Variants in DLG1 observed in about 807,000 individuals in gnomAD.
DLG1 encodes disks large homolog 1.
In DLG1, 42 loss-of-function variants were observed where a neutral mutation model predicts 123.4. The ratio of observed to expected loss-of-function variants is 0.34; its 90% CI spans 0.27 to 0.44. The LOEUF is 0.44. Ranked by LOEUF, DLG1 falls within the 20% of genes least tolerant of loss-of-function variation. The pLI is 1.00. For synonymous variants in DLG1, 317 were observed against 356.2 expected (o/e 0.89, Z 1.24); for missense variants, 942 against 1,082.6 (o/e 0.87, Z 1.82).
chr3:197,160,087 A>G (rs1012368362), intron 5 of DLG1, among the ~76,000 whole-genome samples: 2 of 152,210 alleles, frequency 1.3e-5, no homozygotes, highest in African/African-American at 2.4e-5. Context: ...GTGCAGTTAC[A>G]CAGGTTAAGT....
chr3:197,286,323 G>A (rs1364370563), intron 3 of DLG1, among the ~76,000 whole-genome samples: 1 of 152,142 alleles, frequency 6.6e-6, no homozygotes, highest in Non-Finnish European at 1.5e-5. Flanking sequence ...CCGGTTTTAT[G>A]GAAGACAATT....
intron 4 of DLG1, among the ~76,000 whole-genome samples, chr3:197,196,347 T>A (rs1459604962): frequency 6.6e-6 from 1 of 152,154 alleles, no homozygotes; most frequent in Admixed American, 6.5e-5. Flanking sequence ...GATATAAGAA[T>A]AATGTTTTCA....
At chr3:197,090,578 A>C (rs934348696) in intron 15 of DLG1, among the ~76,000 whole-genome samples, 6 of 151,420 alleles carry the variant, frequency 4.0e-5, no homozygotes, top group African/African-American at 1.5e-4. Context: ...AGAAAAGGAC[A>C]GAGGTTAAAT....
At chr3:197,165,187 C>T (rs1474448664) in intron 5 of DLG1, among the ~76,000 whole-genome samples, 1 of 151,960 alleles carries the variant, frequency 6.6e-6, no homozygotes, top group Non-Finnish European at 1.5e-5. Context: ...TACACAGTGG[C>T]GTTATTAATA....
intron 11 of DLG1, among the ~76,000 whole-genome samples, chr3:197,128,314 C>A (rs761625458): frequency 5.3e-5 from 8 of 152,216 alleles, no homozygotes; most frequent in Admixed American, 2.0e-4. Context: ...AAACCACTTT[C>A]TTTGATTATC....
chr3:197,156,768 G>A (rs922005479), intron 5 of DLG1, among the ~76,000 whole-genome samples: 3 of 152,096 alleles, frequency 2.0e-5, no homozygotes, highest in East Asian at 1.9e-4. Context: ...AAAAATTAAC[G>A]CACCTAATAG....
intron 4 of DLG1, among the ~76,000 whole-genome samples, chr3:197,257,737 C>T (rs558598066): frequency 4.6e-5 from 7 of 152,258 alleles, no homozygotes; most frequent in African/African-American, 7.2e-5. Flanking sequence ...CTAAAGAACA[C>T]GAAATGCCCT....
At chr3:197,158,667 CA>C (rs1484452119) in intron 5 of DLG1, among the ~76,000 whole-genome samples, 1 of 86,646 alleles carries the variant, frequency 1.2e-5, no homozygotes, top group African/African-American at 4.3e-5. Context: ...AGCCCAGAGG[CA>C]GTATGATGCT....
At chr3:197,140,078 G>C in intron 8 of DLG1, 62 bp downstream of exon 8, 2 of 1,570,348 alleles carry the variant, frequency 1.3e-6, no homozygotes, top group Non-Finnish European at 1.7e-6. Flanking sequence ...CCCTTATCCA[G>C]TCTGCTTCAA....
At chr3:197,186,595 T>A (rs1392071300) in intron 5 of DLG1, among the ~76,000 whole-genome samples, 2 of 142,134 alleles carry the variant, frequency 1.4e-5, no homozygotes, top group Non-Finnish European at 3.1e-5. Flanking sequence ...TATGAAAAAT[T>A]TATGACTATG....
At chr3:197,281,944 A>G (rs1430137936) in intron 4 of DLG1, among the ~76,000 whole-genome samples, 7 of 152,206 alleles carry the variant, frequency 4.6e-5, no homozygotes, top group African/African-American at 1.7e-4. Context: ...CTGATTTATT[A>G]TTCACCAAAC....
intron 4 of DLG1, among the ~76,000 whole-genome samples, chr3:197,213,287 G>C (rs1181503539): frequency 1.3e-5 from 2 of 151,110 alleles, no homozygotes; most frequent in East Asian, 3.8e-4. Context: ...GCATTATTAG[G>C]AGCTTTTTTT....
chr3:197,071,933 T>C (rs373413202), intron 18 of DLG1, among the ~76,000 whole-genome samples: 2 of 152,238 alleles, frequency 1.3e-5, no homozygotes, highest in South Asian at 2.1e-4. Context: ...TTCCTAGATA[T>C]TTCCCCAACA....
At chr3:197,253,264 C>A (rs1755327967) in intron 4 of DLG1, among the ~76,000 whole-genome samples, 1 of 151,986 alleles carries the variant, frequency 6.6e-6, no homozygotes, top group Non-Finnish European at 1.5e-5. Context: ...GGCAAAAGAC[C>A]ATGAAGAGAC....
At chr3:197,059,838 A>C (rs762051775) in intron 23 of DLG1, 51 bp downstream of exon 23, 6 of 1,221,396 alleles carry the variant, frequency 4.9e-6, no homozygotes, top group Non-Finnish European at 7.2e-6. Context: ...AAATTACCCT[A>C]CAGTGACTGA....
chr3:197,105,698 C>T (rs915864287), intron 13 of DLG1, among the ~76,000 whole-genome samples: 3 of 152,070 alleles, frequency 2.0e-5, no homozygotes, highest in South Asian at 2.1e-4. Context: ...CAATACTTTG[C>T]GCGCATATAT....
intron 5 of DLG1, chr3:197,161,794 C>A: frequency 1.8e-6 from 2 of 1,104,770 alleles, no homozygotes; most frequent in Non-Finnish European, 2.6e-6. Flanking sequence ...AAGGGAAACA[C>A]ATAACAAAAA....
chr3:197,136,755 G>T, intron 9 of DLG1, 77 bp from the exon 10 acceptor site: 1 of 1,251,894 alleles, frequency 8.0e-7, no homozygotes, highest in Admixed American at 2.4e-5. Context: ...AAAACTACAA[G>T]GTAATTATTC....
chr3:197,136,484 T>A (rs1785109947), intron 10 of DLG1, 58 bp downstream of exon 10: 2 of 1,435,568 alleles, frequency 1.4e-6, no homozygotes, highest in African/African-American at 1.4e-5. Flanking sequence ...CCAGTATCTA[T>A]CAGAAAAATA....
Sources: gnomAD v4.1 joint callset for allele counts (sites outside exome capture counted in the v4.1 genomes callset) on GRCh38, gnomAD v4.1.1 for gene constraint, MANE v1.5 for transcripts, NCBI Gene and HGNC (gene_info 2026-07-23, HGNC 2026-07-21) for gene names.